The following FOXP1 variants were observed in gnomAD, a reference collection of about 807,000 sequenced individuals.
The protein encoded by FOXP1 is forkhead box P1.
A neutral mutation model predicts 98.2 loss-of-function variants in FOXP1; 15 were observed. That is an observed-to-expected ratio of 0.15 (90% CI 0.10 to 0.24). The LOEUF is 0.24. Among genes scored for constraint, FOXP1 ranks in the 10% least tolerant of loss-of-function variants. The probability of loss-of-function intolerance (pLI) is 1.00; values close to 1 mark genes in which losing one functional copy is unlikely to be tolerated. For synonymous variants in FOXP1, 371 were observed against 314.5 expected, an observed-to-expected ratio of 1.18 and a Z score of -1.90; for missense variants, 633 against 848.5, an observed-to-expected ratio of 0.75 and a Z score of 3.15.
chr3:71,488,400 G>A (rs1257366787), intron 3 of FOXP1, among the ~76,000 whole-genome samples: 1 of 152,188 alleles, frequency 6.6e-6, no homozygotes, highest in East Asian at 1.9e-4. Context: ...CTGCTGTGTG[G>A]TACTAGGGAA....
intron 3 of FOXP1, among the ~76,000 whole-genome samples, chr3:71,446,722 A>G (rs74731491): frequency 0.013 from 2,056 of 152,350 alleles, 56 homozygotes; most frequent in African/African-American, 0.046. Context: ...TTCTCTATGG[A>G]TCCCATTGTT....
At chr3:71,147,013 G>A (rs936426363) in intron 6 of FOXP1, among the ~76,000 whole-genome samples, 1 of 152,162 alleles carries the variant, frequency 6.6e-6, no homozygotes, top group African/African-American at 2.4e-5. Context: ...AAAGCCCCTC[G>A]TGCTCCAAGT....
At chr3:71,258,046 G>A (rs538018655) in intron 5 of FOXP1, among the ~76,000 whole-genome samples, 6 of 152,150 alleles carry the variant, frequency 3.9e-5, no homozygotes, top group Non-Finnish European at 7.3e-5. Flanking sequence ...CATCCACGGA[G>A]CGCCTACGAA....
In FOXP1 at chr3:71,152,613, C is replaced by T. The variant is rs190234136; in HGVS notation, c.181-39976G>A. On this transcript the variant is annotated intron_variant, in intron 6 of 20. Transcript: ENST00000649528. The stretch of plus-strand genomic sequence containing the variant: ...CCCCCACACAGACCTGCTCCTGTGC[C>T]CTAGGTCTGTGACTTACTAGTTCTA... Among the ~76,000 whole-genome samples the T allele has an allele frequency of 3.8e-4, 58 of 152,164 alleles. No individual in the cohort carries two copies. The East Asian group carries it at 0.01, about 27-fold the overall frequency.
chr3:71,117,266 T>C (rs1350496274), intron 6 of FOXP1, among the ~76,000 whole-genome samples: 2 of 151,914 alleles, frequency 1.3e-5, no homozygotes, highest in African/African-American at 4.8e-5. Flanking sequence ...TTTTCCATTT[T>C]TGTAGAGACG....
At position 71,574,754 on chromosome 3, in the gene FOXP1, A is replaced by G. The variant is rs1276343150; in HGVS notation, c.-298+6795T>C. Among the ~76,000 whole-genome samples the G allele has an allele frequency of 2.0e-5, 3 of 152,202 alleles. No individual in the cohort carries two copies. The East Asian group carries it at 5.8e-4, about 29-fold the overall frequency. On this transcript the variant is annotated intron_variant, in intron 2 of 20. Coordinates refer to ENST00000649528, the MANE Select transcript of FOXP1 (RefSeq NM_001349338.3). Reference sequence around the variant, plus strand: ...AGCATGACAACACCCATTGGGAAACATGGATGCAGGCAAGACAAAATTCAA... The same window carrying G: ...AGCATGACAACACCCATTGGGAAACGTGGATGCAGGCAAGACAAAATTCAA...
chr3:71,009,785 G>C (rs894882331), intron 12 of FOXP1, among the ~76,000 whole-genome samples: 4 of 152,008 alleles, frequency 2.6e-5, no homozygotes, highest in African/African-American at 9.7e-5. Context: ...GTTTTGCTTT[G>C]CTACCTAGGC....
At chr3:71,170,268 T>C (rs1372841210) in intron 6 of FOXP1, among the ~76,000 whole-genome samples, 1 of 152,200 alleles carries the variant, frequency 6.6e-6, no homozygotes, top group Non-Finnish European at 1.5e-5. Context: ...TAGCGGTATA[T>C]ATCACAACAA....
At chr3:71,124,494 ATT>A (rs1388887024) in intron 6 of FOXP1, among the ~76,000 whole-genome samples, 1 of 152,026 alleles carries the variant, frequency 6.6e-6, no homozygotes, top group African/African-American at 2.4e-5. Context: ...ACTCCAAAAT[ATT>A]TGTTACTTAT....
chr3:71,563,181 C>T (rs2046664487), intron 2 of FOXP1, among the ~76,000 whole-genome samples: 1 of 152,132 alleles, frequency 6.6e-6, no homozygotes, highest in African/African-American at 2.4e-5. Context: ...CATCCTGGCT[C>T]AGTGGAGCCC....
chr3:71,103,448 T>C (rs907536958), intron 7 of FOXP1, among the ~76,000 whole-genome samples: 3 of 152,218 alleles, frequency 2.0e-5, no homozygotes, highest in Non-Finnish European at 4.4e-5. Context: ...GCTCATCCTA[T>C]ATGCACAACC....
At chr3:70,998,479 C>G (rs982154363) in intron 13 of FOXP1, among the ~76,000 whole-genome samples, 1 of 152,186 alleles carries the variant, frequency 6.6e-6, no homozygotes, top group African/African-American at 2.4e-5. Context: ...TCTATGTCAT[C>G]ACTCTGATAA....
At chr3:71,013,144 T>C (rs1007335168) in intron 12 of FOXP1, among the ~76,000 whole-genome samples, 3 of 152,154 alleles carry the variant, frequency 2.0e-5, no homozygotes, top group Non-Finnish European at 2.9e-5. Context: ...ATAGGTGTTA[T>C]AGCTTCAAAT....
At chr3:71,308,753 G>A (rs1461292719) in intron 4 of FOXP1, among the ~76,000 whole-genome samples, 11 of 7,126 alleles carry the variant, frequency 1.5e-3, no homozygotes, top group East Asian at 7.0e-3. Flanking sequence ...ACCACAATGT[G>A]TGTGTGTGTG....
At chr3:71,115,926 G>A (rs956333672) in intron 6 of FOXP1, among the ~76,000 whole-genome samples, 4 of 151,668 alleles carry the variant, frequency 2.6e-5, no homozygotes, top group Non-Finnish European at 4.4e-5. Context: ...TAGTAGAGGC[G>A]GGGTTTTGCC....
chr3:71,252,195 T>C (rs2068253363), intron 5 of FOXP1, among the ~76,000 whole-genome samples: 1 of 152,212 alleles, frequency 6.6e-6, no homozygotes, highest in Non-Finnish European at 1.5e-5. Context: ...TGTAGGAAAG[T>C]GATGCCTGGT....
chr3:71,112,932 G>A (rs1407559555), intron 6 of FOXP1, among the ~76,000 whole-genome samples: 1 of 152,084 alleles, frequency 6.6e-6, no homozygotes, highest in Non-Finnish European at 1.5e-5. Flanking sequence ...TTGAGACTCT[G>A]AACAAAGATG....
At chr3:71,255,540 G>T (rs1262564809) in intron 5 of FOXP1, among the ~76,000 whole-genome samples, 4 of 151,910 alleles carry the variant, frequency 2.6e-5, no homozygotes, top group African/African-American at 9.7e-5. Flanking sequence ...TTGATGCCTA[G>T]GTCATTTACT....
intron 17 of FOXP1, 114 bp downstream of exon 17, chr3:70,976,827 A>G: frequency 7.9e-6 from 6 of 763,368 alleles, no homozygotes; most frequent in South Asian, 7.2e-5. Context: ...GGACACTTTA[A>G]GAGTATCAAA....
Sources: allele counts gnomAD v4.1 joint callset (sites outside exome capture counted in the v4.1 genomes callset), GRCh38; gene constraint gnomAD v4.1.1; transcripts MANE v1.5; gene names NCBI Gene and HGNC (gene_info 2026-07-23, HGNC 2026-07-21).